UCK2: variants seen among roughly 807,000 people sequenced by gnomAD.
UCK2 encodes cytidine monophosphokinase 2.
In UCK2, 6 loss-of-function variants were observed where a neutral mutation model predicts 30.8. The ratio of observed to expected loss-of-function variants is 0.19; its 90% CI spans 0.11 to 0.38. The LOEUF is 0.38. Ranked by LOEUF, UCK2 falls within the 10% of genes least tolerant of loss-of-function variation. The probability of loss-of-function intolerance (pLI) is 1.00; values close to 1 mark genes in which losing one functional copy is unlikely to be tolerated. For missense variants in UCK2, 210 were observed against 339.8 expected, an observed-to-expected ratio of 0.62 and a Z score of 3.00; for synonymous variants, 125 against 133.6, an observed-to-expected ratio of 0.94 and a Z score of 0.45.
chr1:165,907,352 C>G (rs1406679365), intron 6 of UCK2, among the ~76,000 whole-genome samples: 1 of 152,170 alleles, frequency 6.6e-6, no homozygotes, highest in Non-Finnish European at 1.5e-5. Context: ...GTGTCAGAAC[C>G]ATGGCTGGTT....
intron 1 of UCK2, among the ~76,000 whole-genome samples, chr1:165,886,511 G>T (rs938243186): frequency 6.6e-6 from 1 of 151,992 alleles, no homozygotes; most frequent in Non-Finnish European, 1.5e-5. Flanking sequence ...CCCACCCTGG[G>T]CTTGAACTCC....
intron 4 of UCK2, among the ~76,000 whole-genome samples, chr1:165,897,330 A>C (rs556032472): frequency 3.8e-4 from 58 of 152,084 alleles, no homozygotes; most frequent in Non-Finnish European, 6.9e-4. Context: ...CTGTAGCTGG[A>C]GCAGCTCTTT....
chr1:165,845,815 G>A lies in UCK2; in HGVS notation c.99+17883G>A, dbSNP rs575940706. Among the ~76,000 whole-genome samples, 12 of 152,290 alleles carry A rather than the reference G, an allele frequency of 7.9e-5. No individual in the cohort carries two copies. The East Asian group carries it at 2.3e-3, about 29-fold the overall frequency. ...CCTGAGTAGCTGGTACTATAGGAGT[G>A]TGCCACCATGCCCAGCTAATTTTAA... On this transcript the variant is annotated intron_variant, in intron 1 of 6. Coordinates refer to ENST00000367879, the MANE Select transcript of UCK2 (RefSeq NM_012474.5).
intron 1 of UCK2, 74 bp from the exon 2 acceptor site, chr1:165,890,130 G>T: frequency 6.4e-7 from 1 of 1,553,262 alleles, no homozygotes; most frequent in South Asian, 1.1e-5. Context: ...CATCAGCTTG[G>T]TTACTCTCGG....
rs148220192 is a variant in UCK2, at chr1:165,831,534, G to T, written c.99+3602G>T. 5.2e-3 allele frequency among the ~76,000 whole-genome samples: 788 copies of T among 152,262 alleles called. 7 individuals carry two copies. The highest frequency in any genetic ancestry group is 0.018 in the African/African-American group (746 of 41,550). ...TTCTGTTTCCTTTTCATCTTTGCCTGTTCCTTGTTCTGTAACCTCTTCATT... is the reference window on the plus strand; with the variant it reads ...TTCTGTTTCCTTTTCATCTTTGCCTTTTCCTTGTTCTGTAACCTCTTCATT... On this transcript the variant is annotated intron_variant, in intron 1 of 6. Coordinates refer to ENST00000367879, the MANE Select transcript of UCK2 (RefSeq NM_012474.5).
chr1:165,864,639 A>G (rs569179883), intron 1 of UCK2, among the ~76,000 whole-genome samples: 4 of 152,324 alleles, frequency 2.6e-5, no homozygotes, highest in Admixed American at 6.5e-5. Context: ...GGTTTTAGAC[A>G]AAAAGGTTTT....
chr1:165,877,913 C>G (rs1289081659), intron 1 of UCK2, among the ~76,000 whole-genome samples: 1 of 152,118 alleles, frequency 6.6e-6, no homozygotes, highest in African/African-American at 2.4e-5. Flanking sequence ...ACATGCACAA[C>G]CTCCCCTATT....
chr1:165,847,051 G>A (rs1035244360), intron 1 of UCK2, among the ~76,000 whole-genome samples: 20 of 152,024 alleles, frequency 1.3e-4, no homozygotes, highest in Admixed American at 3.9e-4. Flanking sequence ...TGAGGCTGCT[G>A]CTGCTGTGAA....
In UCK2 at chr1:165,827,698, C is replaced by T. The variant is rs562035194; in HGVS notation, c.-136C>T. ...CCCCGTCACCGGGCTCCGAGCGGCT[C>T]GCAGGCGAGCGACAGCGGCCTCAGC... On this transcript the variant is annotated 5_prime_UTR_variant, in exon 1 of 7. Transcript: ENST00000367879. 12 of 733,310 alleles carry T rather than the reference C, an allele frequency of 1.6e-5. No individual in the cohort carries two copies. The South Asian group carries it at 5.9e-4, about 36-fold the overall frequency. 45.4% of individuals were successfully genotyped at this position (733,310 alleles called of 1,614,324 possible). A position where few individuals can be genotyped will look rare whatever the true frequency, so the allele number is the denominator to read the frequency against.
intron 1 of UCK2, among the ~76,000 whole-genome samples, chr1:165,875,508 T>C (rs1655311848): frequency 1.3e-5 from 2 of 152,146 alleles, no homozygotes; most frequent in Non-Finnish European, 2.9e-5. Flanking sequence ...ACTATTTACC[T>C]GGAGATAGTG....
At chr1:165,878,796 G>A (rs778617738) in intron 1 of UCK2, among the ~76,000 whole-genome samples, 26 of 152,234 alleles carry the variant, frequency 1.7e-4, no homozygotes, top group Admixed American at 6.5e-5. Context: ...GCAAGTTTTT[G>A]TGTGAACATA....
At chr1:165,881,000 C>T (rs576705366) in intron 1 of UCK2, among the ~76,000 whole-genome samples, 30 of 151,730 alleles carry the variant, frequency 2.0e-4, no homozygotes, top group Admixed American at 1.6e-3. Flanking sequence ...GTTGAAACCC[C>T]GTCTCTACTA....
intron 1 of UCK2, among the ~76,000 whole-genome samples, chr1:165,856,700 G>C (rs1193602252): frequency 6.6e-6 from 1 of 152,140 alleles, no homozygotes; most frequent in Non-Finnish European, 1.5e-5. Flanking sequence ...TCCAGGAGGT[G>C]ATTTAATTGT....
intron 1 of UCK2, among the ~76,000 whole-genome samples, chr1:165,875,779 G>A (rs1293270330): frequency 3.3e-5 from 5 of 152,160 alleles, no homozygotes; most frequent in Admixed American, 2.6e-4. Context: ...AAGAGGTGCG[G>A]AGTTTCCAAC....
At chr1:165,873,510 A>G (rs1368874346) in intron 1 of UCK2, among the ~76,000 whole-genome samples, 1 of 152,216 alleles carries the variant, frequency 6.6e-6, no homozygotes, top group Non-Finnish European at 1.5e-5. Context: ...AATAATGAGA[A>G]AAAGTGAAGC....
chr1:165,827,703 GCGAGCGAC>G lies in UCK2; in HGVS notation c.-130_-123del. 2.5e-6 allele frequency: 2 copies of G among 787,876 alleles called. No individual in the cohort carries two copies. Among genetic ancestry groups the G allele is most frequent in the South Asian group, 9.3e-5 (2 of 21,544 alleles). The allele number at this position is 787,876 out of a possible 1,614,324, so 48.8% of individuals were successfully genotyped here. ...TCACCGGGCTCCGAGCGGCTCGCAG[GCGAGCGAC>G]AGCGGCCTCAGCCCCGGCAGCGCCC... On this transcript the variant is annotated 5_prime_UTR_variant, in exon 1 of 7. Coordinates refer to ENST00000367879, the MANE Select transcript of UCK2 (RefSeq NM_012474.5).
intron 1 of UCK2, 96 bp from the exon 2 acceptor site, chr1:165,890,108 T>C: frequency 7.2e-7 from 1 of 1,391,192 alleles, no homozygotes; most frequent in East Asian, 2.3e-5. Context: ...GAGCCCCTTC[T>C]TGGAAGGTGT....
chr1:165,892,314 C>T (rs183431156), intron 3 of UCK2: 307 of 151,978 alleles, frequency 2.0e-3, no homozygotes, highest in Middle Eastern at 0.01. Context: ...GGAGCTTACA[C>T]GAACATCAAG....
chr1:165,858,880 G>C (rs1654819864), intron 1 of UCK2, among the ~76,000 whole-genome samples: 1 of 152,096 alleles, frequency 6.6e-6, no homozygotes, highest in Non-Finnish European at 1.5e-5. Context: ...TGTGGGAGCG[G>C]GTCCTGTTTT....
Sources: allele counts gnomAD v4.1 joint callset (sites outside exome capture counted in the v4.1 genomes callset), GRCh38; gene constraint gnomAD v4.1.1; transcripts MANE v1.5; gene names NCBI Gene and HGNC (gene_info 2026-07-23, HGNC 2026-07-21).